Variants in PPL observed in about 807,000 individuals in gnomAD.
PPL encodes the protein 190 kDa paraneoplastic pemphigus antigen.
A neutral mutation model predicts 194.4 loss-of-function variants in PPL; 198 were observed. That is an observed-to-expected ratio of 1.02 (90% confidence interval 0.91 to 1.15). The LOEUF is 1.15. PPL is among the 50% of genes most tolerant of loss of function. The probability of loss-of-function intolerance (pLI) is 0.00; values close to 1 mark genes in which losing one functional copy is unlikely to be tolerated. For synonymous variants in PPL, 1,220 were observed against 972.4 expected, an observed-to-expected ratio of 1.25 and a Z score of -4.74; for missense variants, 2,885 against 2,294.8, an observed-to-expected ratio of 1.26 and a Z score of -5.25.
chr16:4,917,461 G>C (rs1215630331), intron 1 of PPL, among the ~76,000 whole-genome samples: 1 of 152,136 alleles, frequency 6.6e-6, no homozygotes, highest in Non-Finnish European at 1.5e-5. Flanking sequence ...GAAATCTACA[G>C]GAGCAGAAAG....
Position 4,893,618 on chromosome 16 carries a change from C to T in PPL, c.1415G>A (p.Ser472Asn), listed in dbSNP as rs778097640. The change falls in exon 13 of 22, where the codon AGC (serine) becomes AAC (asparagine). Residue 472 changes from serine (S) to asparagine (N), a missense_variant. Transcript: ENST00000345988. ...GCTCCCAGCTGCCTTCTGCCGCACG[C>T]TCCGGTACTGGCTGCCCAGGCTGTG... ...LADSLGSQYR[S>N]VRQKAAGSKR... The T allele has an allele frequency of 1.2e-6, 2 of 1,601,382 alleles. No individual in the cohort carries two copies. The highest frequency in any genetic ancestry group is 1.1e-5 in the South Asian group (1 of 89,750).
chr16:4,923,476 C>A (rs1416124665), intron 1 of PPL, among the ~76,000 whole-genome samples: 1 of 152,162 alleles, frequency 6.6e-6, no homozygotes, highest in Non-Finnish European at 1.5e-5. Context: ...TGAATGGCAA[C>A]CTTCCAGCCA....
intron 1 of PPL, among the ~76,000 whole-genome samples, chr16:4,925,595 A>G (rs895248671): frequency 6.6e-6 from 1 of 152,210 alleles, no homozygotes; most frequent in African/African-American, 2.4e-5. Flanking sequence ...CACCTTGCGT[A>G]GGGCTGGGCT....
At chr16:4,894,381 G>C in intron 12 of PPL, 86 bp downstream of exon 12, 4 of 1,535,076 alleles carry the variant, frequency 2.6e-6, no homozygotes, top group African/African-American at 1.4e-5. Context: ...CACAGGCTGA[G>C]TCCAAATCCC....
At chr16:4,906,726 A>C (rs2088692456) in intron 2 of PPL, among the ~76,000 whole-genome samples, 1 of 152,226 alleles carries the variant, frequency 6.6e-6, no homozygotes, top group Non-Finnish European at 1.5e-5. Flanking sequence ...CGAAAGTTCA[A>C]AGTCGGGCAG....
intron 8 of PPL, among the ~76,000 whole-genome samples, chr16:4,898,695 C>T (rs1414137357): frequency 6.6e-6 from 1 of 152,212 alleles, no homozygotes; most frequent in Middle Eastern, 3.2e-3. Flanking sequence ...TTCAGACTTA[C>T]AGCCCACAGA....
intron 1 of PPL, among the ~76,000 whole-genome samples, chr16:4,911,559 G>A (rs1030013719): frequency 8.5e-5 from 13 of 152,054 alleles, no homozygotes; most frequent in African/African-American, 3.1e-4. Context: ...TATTGAGACG[G>A]AGTCTCACAC....
chr16:4,910,065 G>A (rs1389055138), intron 2 of PPL, among the ~76,000 whole-genome samples: 1 of 152,160 alleles, frequency 6.6e-6, no homozygotes, highest in Non-Finnish European at 1.5e-5. Context: ...TGGCGCTGGT[G>A]GAAGGTTTAA....
rs200865815 is a variant in PPL, at chr16:4,884,401, G to A, written c.4254C>T (p.Arg1418=). The change falls in exon 22 of 22, where the codon CGC becomes CGT. Residue 1418 remains arginine (R), a synonymous_variant. Coordinates refer to ENST00000345988, the MANE Select transcript of PPL (RefSeq NM_002705.5). This position sits in a 1 kb window ranked among gnomAD's most constrained non-coding sequence, Gnocchi z 5.7. ...GCCGCTGCTGCAACCGCTGTACCTCGCGCTCGGCCTCCCTGCGGGCCTGCC... is the reference window on the plus strand; with the variant it reads ...GCCGCTGCTGCAACCGCTGTACCTCACGCTCGGCCTCCCTGCGGGCCTGCC... ...RERQARREAE[R]EVQRLQQRLA... The A allele has an allele frequency of 7.1e-5, 114 of 1,608,408 alleles. No individual in the cohort carries two copies. Among genetic ancestry groups the A allele is most frequent in the African/African-American group, 5.7e-4 (43 of 74,800 alleles).
intron 1 of PPL, among the ~76,000 whole-genome samples, chr16:4,924,338 A>G (rs2089115570): frequency 6.6e-6 from 1 of 152,130 alleles, no homozygotes; most frequent in Non-Finnish European, 1.5e-5. Context: ...ACACAGACAT[A>G]CGTGCACAGC....
Position 4,890,327 on chromosome 16 carries a change from T to C in PPL, c.2170A>G (p.Ser724Gly), listed in dbSNP as rs2142337703. ...LRQQVERRAQ[S>G]LQSAKAAYEH... The stretch of plus-strand genomic sequence containing the variant: ...TAGGCTGCCTTGGCGCTCTGTAGGC[T>C]CTGCGCCCTGTCAAGGCAAAGCGTT... The change falls in exon 18 of 22, where the codon AGC becomes GGC. Residue 724 changes from serine to glycine, a missense_variant. Coordinates refer to ENST00000345988, the MANE Select transcript of PPL (RefSeq NM_002705.5). 4 of 1,612,264 alleles carry C rather than the reference T, an allele frequency of 2.5e-6. No individual in the cohort carries two copies. In the East Asian group the frequency reaches 6.7e-5, roughly 27 times the overall value.
intron 1 of PPL, among the ~76,000 whole-genome samples, chr16:4,913,785 C>T (rs1352417219): frequency 6.6e-6 from 1 of 152,226 alleles, no homozygotes; most frequent in Non-Finnish European, 1.5e-5. Flanking sequence ...GATGATAGCT[C>T]CCCTGTCTCC....
At position 4,894,608 on chromosome 16, in the gene PPL, G is replaced by A. The variant is rs749601480; in HGVS notation, c.1253C>T (p.Ser418Leu). The A allele has an allele frequency of 1.4e-5, 22 of 1,613,006 alleles. No homozygotes were observed. Among genetic ancestry groups the A allele is most frequent in the Non-Finnish European group, 1.8e-5 (21 of 1,179,854 alleles). ...CDFEGEQGLI[S>L]RGYSYTLQKN... ...CTGCAGGGTGTAGCTGTAGCCCCGC[G>A]AGATCAGGCCCTGGCGGGGGCAGGC... Residue 418 changes from serine (S) to leucine (L), a missense_variant, in exon 12 of 22, where the codon TCG becomes TTG. Ser to Leu is a moderately radical substitution (Grantham distance 145, BLOSUM62 -2). Transcript: ENST00000345988.
chr16:4,895,261 C>T lies in PPL; in HGVS notation c.1242G>A (p.Gln414=). 1.2e-6 allele frequency: 2 copies of T among 1,601,676 alleles called. No homozygotes were observed. The highest frequency in any genetic ancestry group is 1.7e-4 in the Middle Eastern group (1 of 5,990). ...VEALCDFEGE[Q]GLISRGYSYT... ...GAACAGAGGAGCTGGCCCCACGCAC[C>T]TGCTCCCCCTCAAAGTCACAGAGTG... The change falls in exon 11 of 22, where the codon CAG becomes CAA. Residue 414 remains glutamine (Q), a splice_region_variant and synonymous_variant. Transcript: ENST00000345988.
Position 4,892,218 on chromosome 16 carries a change from G to T in PPL, c.1651-5C>A. On this transcript the variant is annotated splice_polypyrimidine_tract_variant and splice_region_variant and intron_variant, in intron 14 of 21. Transcript: ENST00000345988. Reference sequence around the variant, plus strand: ...CAGTAGCTCGTTGGTGATGTTCTGTGGGAACCAGGGCCCCTCAGTTTTGGA... The same window carrying T: ...CAGTAGCTCGTTGGTGATGTTCTGTTGGAACCAGGGCCCCTCAGTTTTGGA... 2 of 1,607,116 alleles carry T rather than the reference G, an allele frequency of 1.2e-6. No individual in the cohort carries two copies. Among genetic ancestry groups the T allele is most frequent in the Non-Finnish European group, 1.7e-6 (2 of 1,174,800 alleles).
intron 17 of PPL, 68 bp downstream of exon 17, chr16:4,890,660 C>T (rs1002490771): frequency 6.7e-7 from 1 of 1,495,044 alleles, no homozygotes; most frequent in Non-Finnish European, 9.0e-7. Flanking sequence ...ACGGCTAAAG[C>T]ATTGCTTAGA....
intron 1 of PPL, among the ~76,000 whole-genome samples, chr16:4,912,007 G>A (rs756923385): frequency 1.1e-4 from 16 of 152,166 alleles, no homozygotes; most frequent in Non-Finnish European, 1.8e-4. Context: ...AGCTTCTAAT[G>A]CTTCTATTTT....
In PPL at chr16:4,884,893, C is replaced by G; in HGVS notation, c.3762G>C (p.Glu1254Asp). Residue 1254 changes from glutamate to aspartate, a missense_variant, in exon 22 of 22, where the codon GAG becomes GAC. Coordinates refer to ENST00000345988, the MANE Select transcript of PPL (RefSeq NM_002705.5). The surrounding 1 kb of genome is among the most constrained non-coding windows in gnomAD (Gnocchi z 5.7). ...CGATCAGTCTGGTCTTGTCCACGATCTCCTCCCTGAGCCGCTGAAGCTCCT... is the reference window on the plus strand; with the variant it reads ...CGATCAGTCTGGTCTTGTCCACGATGTCCTCCCTGAGCCGCTGAAGCTCCT... ...MEKELQRLRE[E>D]IVDKTRLIER... is the part of the protein sequence containing the mutation. 6.2e-7 allele frequency: 1 copy of G among 1,614,178 alleles called. No homozygotes were observed. The highest frequency in any genetic ancestry group is 8.5e-7 in the Non-Finnish European group (1 of 1,180,028).
chr16:4,886,884 G>A (rs1381587378), intron 21 of PPL, among the ~76,000 whole-genome samples: 1 of 152,248 alleles, frequency 6.6e-6, no homozygotes, highest in Admixed American at 6.5e-5. Flanking sequence ...CTCCCAAAGT[G>A]CTGGGATTAC....
Sources: gnomAD v4.1 joint callset for allele counts (sites outside exome capture counted in the v4.1 genomes callset) on GRCh38, gnomAD v4.1.1 for gene constraint, Gnocchi (gnomAD v3.1) non-coding constraint, MANE v1.5 for transcripts, NCBI Gene and HGNC (gene_info 2026-07-23, HGNC 2026-07-21) for gene names.